Variants in ASTN1 observed in about 807,000 individuals in gnomAD.
ASTN1 encodes astrotactin-1.
A neutral mutation model predicts 140.7 loss-of-function variants in ASTN1; 41 were observed. That is an observed-to-expected ratio of 0.29 (90% CI 0.23 to 0.38). The LOEUF is 0.38. Ranked by LOEUF, ASTN1 falls within the 10% of genes least tolerant of loss-of-function variation. ASTN1 has a pLI of 1.00. For synonymous variants in ASTN1, 640 were observed against 652.2 expected, an observed-to-expected ratio of 0.98 and a Z score of 0.29; for missense variants, 1,479 against 1,678.8, an observed-to-expected ratio of 0.88 and a Z score of 2.08.
intron 8 of ASTN1, among the ~76,000 whole-genome samples, chr1:176,994,007 C>CTGTGTGTGTACGTG (rs1553240148): frequency 1.6e-5 from 2 of 121,742 alleles, no homozygotes; most frequent in Non-Finnish European, 3.5e-5. Context: ...GATGTGAGAA[C>CTGTGTGTGTACGTG]TGTGTGTGTA....
intron 2 of ASTN1, among the ~76,000 whole-genome samples, chr1:177,033,332 C>T (rs985893603): frequency 1.3e-5 from 2 of 152,262 alleles, no homozygotes; most frequent in South Asian, 2.1e-4. Flanking sequence ...CACCAATTAT[C>T]AGTGGGTCCT....
intron 20 of ASTN1, among the ~76,000 whole-genome samples, chr1:176,882,055 C>G (rs1157874710): frequency 6.6e-6 from 1 of 152,214 alleles, no homozygotes; most frequent in Non-Finnish European, 1.5e-5. Flanking sequence ...CATTATCTCT[C>G]CTTTTCTGGC....
chr1:177,078,336 T>A (rs1679018915), intron 1 of ASTN1, among the ~76,000 whole-genome samples: 1 of 152,084 alleles, frequency 6.6e-6, no homozygotes, highest in Admixed American at 6.5e-5. Context: ...CTCACAAACA[T>A]TTCCCACCAT....
At chr1:177,102,052 A>G (rs776611681) in intron 1 of ASTN1, among the ~76,000 whole-genome samples, 1 of 152,218 alleles carries the variant, frequency 6.6e-6, no homozygotes, top group Non-Finnish European at 1.5e-5. Context: ...AGTCTGCAGT[A>G]TCTGAAATGG....
chr1:177,061,026 G>A (rs907515111), intron 2 of ASTN1, 52 bp downstream of exon 2: 2 of 1,437,276 alleles, frequency 1.4e-6, no homozygotes, highest in Non-Finnish European at 1.9e-6. Context: ...GACCCTTAAT[G>A]TCAAGGTAAC....
At chr1:177,113,000 C>T (rs73048914) in intron 1 of ASTN1, among the ~76,000 whole-genome samples, 8,019 of 152,262 alleles carry the variant, frequency 0.053, 241 homozygotes, top group Admixed American at 0.065. Context: ...TCTTTCCCAA[C>T]GCTGAACAAA....
At position 176,916,626 on chromosome 1, in the gene ASTN1, C is replaced by T. The variant is rs572898649; in HGVS notation, c.2671+17526G>A. 1.3e-4 allele frequency among the ~76,000 whole-genome samples: 20 copies of T among 152,218 alleles called. No homozygotes were observed. The East Asian group carries it at 1.9e-3, about 15-fold the overall frequency. On this transcript the variant is annotated intron_variant, in intron 16 of 22. Transcript: ENST00000361833. The stretch of plus-strand genomic sequence containing the variant: ...CTATTGGCAGTATTTCCTAAATTAA[C>T]GTCATATCAACTTTCCACTAGACAT...
intron 22 of ASTN1, among the ~76,000 whole-genome samples, chr1:176,868,301 A>C (rs1162051207): frequency 6.6e-6 from 1 of 152,198 alleles, no homozygotes; most frequent in Non-Finnish European, 1.5e-5. Flanking sequence ...TGTGGGTATT[A>C]GGCAGTCATG....
chr1:177,035,067 C>A (rs538483217), intron 2 of ASTN1, among the ~76,000 whole-genome samples: 18 of 152,332 alleles, frequency 1.2e-4, no homozygotes, highest in Non-Finnish European at 2.5e-4. Context: ...GATTAGCTGT[C>A]CATTATCATG....
intron 8 of ASTN1, among the ~76,000 whole-genome samples, chr1:176,965,720 T>C (rs1672850789): frequency 6.6e-6 from 1 of 152,190 alleles, no homozygotes; most frequent in Non-Finnish European, 1.5e-5. Flanking sequence ...AAATGATAGC[T>C]ACCTAACAGA....
rs1348465851 is a variant in ASTN1, at chr1:177,040,879, C to T, written c.472-8030G>A. Among the ~76,000 whole-genome samples the T allele has an allele frequency of 2.6e-5, 4 of 152,258 alleles. No individual in the cohort carries two copies. In the East Asian group the frequency reaches 7.7e-4, roughly 29 times the overall value. On this transcript the variant is annotated intron_variant, in intron 2 of 22. Coordinates refer to ENST00000361833, the MANE Select transcript of ASTN1 (RefSeq NM_004319.3). ...TGGAGGCTAGTGTGCTGGAGTCAGC[C>T]TGGGCTATTTCAAGTTGTACTCTTT...
At chr1:177,055,152 C>T (rs572963899) in intron 2 of ASTN1, among the ~76,000 whole-genome samples, 1 of 152,274 alleles carries the variant, frequency 6.6e-6, no homozygotes, top group South Asian at 2.1e-4. Context: ...AGCAAATTAC[C>T]TAAAGTGGTA....
intron 8 of ASTN1, among the ~76,000 whole-genome samples, chr1:177,004,200 A>C (rs1674878846): frequency 6.6e-6 from 1 of 152,150 alleles, no homozygotes; most frequent in South Asian, 2.1e-4. Flanking sequence ...GAATAAAATC[A>C]AGAACTCAAT....
At chr1:177,137,948 A>G (rs1344792335) in intron 1 of ASTN1, among the ~76,000 whole-genome samples, 1 of 152,224 alleles carries the variant, frequency 6.6e-6, no homozygotes, top group African/African-American at 2.4e-5. Flanking sequence ...AGGTTAAAAT[A>G]TCAGCACTTA....
chr1:177,032,701 A>G lies in ASTN1; in HGVS notation c.620T>C (p.Val207Ala). 1 of 1,614,106 alleles carries G rather than the reference A, an allele frequency of 6.2e-7. No homozygotes were observed. The highest frequency in any genetic ancestry group is 8.5e-7 in the Non-Finnish European group (1 of 1,180,042). Reference protein sequence around the residue: ...AANEIHYIPSVLIGGHGRESL... With the variant: ...AANEIHYIPSALIGGHGRESL... ...CTCCCGTCCGTGCCCGCCGATCAGC[A>G]CAGAAGGAATGTAGTGAATCTCATT... Residue 207 changes from valine (V) to alanine (A), a missense_variant, in exon 3 of 23, where the codon GTG (valine) becomes GCG (alanine). This residue lies in a region of ASTN1 where 729 missense variants were observed against 860.4 expected (regional missense o/e 0.85). Coordinates refer to ENST00000361833, the MANE Select transcript of ASTN1 (RefSeq NM_004319.3).
chr1:176,915,152 T>C (rs1209640946), intron 16 of ASTN1, among the ~76,000 whole-genome samples: 1 of 152,174 alleles, frequency 6.6e-6, no homozygotes, highest in Non-Finnish European at 1.5e-5. Flanking sequence ...AATTTGAACA[T>C]AAAAATCACT....
At chr1:177,071,451 A>G (rs1313794467) in intron 1 of ASTN1, among the ~76,000 whole-genome samples, 1 of 152,206 alleles carries the variant, frequency 6.6e-6, no homozygotes, top group Admixed American at 6.5e-5. Flanking sequence ...CCTTCTCTGT[A>G]GACTAGTCTG....
intron 1 of ASTN1, among the ~76,000 whole-genome samples, chr1:177,155,442 T>C (rs1369165179): frequency 3.3e-5 from 5 of 152,198 alleles, no homozygotes; most frequent in African/African-American, 1.2e-4. Flanking sequence ...CATAAATGTA[T>C]GAACAACCTC....
intron 15 of ASTN1, among the ~76,000 whole-genome samples, chr1:176,935,516 C>T (rs1257170158): frequency 6.6e-6 from 1 of 152,198 alleles, no homozygotes; most frequent in Non-Finnish European, 1.5e-5. Flanking sequence ...TCCCCTGTGT[C>T]CTATGAAAAT....
Sources: allele counts gnomAD v4.1 joint callset (sites outside exome capture counted in the v4.1 genomes callset), GRCh38; gene constraint gnomAD v4.1.1; regional missense constraint gnomAD v4.1.1; transcripts MANE v1.5; gene names NCBI Gene and HGNC (gene_info 2026-07-23, HGNC 2026-07-21).